Variants in SLC5A4 observed in about 807,000 individuals in gnomAD.
SLC5A4 encodes the protein probable glucose sensor protein SLC5A4.
SLC5A4 carries 55 observed loss-of-function variants against 70.3 expected under a neutral mutation model. The ratio of observed to expected loss-of-function variants is 0.78; its 90% CI spans 0.63 to 0.98. SLC5A4 has a LOEUF of 0.98. Among genes scored for constraint, SLC5A4 ranks in the 50% least tolerant of loss-of-function variants. SLC5A4 has a pLI of 0.00. For synonymous variants in SLC5A4, 268 were observed against 305.7 expected, an observed-to-expected ratio of 0.88 and a Z score of 1.29; for missense variants, 735 against 839.2, an observed-to-expected ratio of 0.88 and a Z score of 1.53.
chr22:32,293,773 A>G, the SLC5A4 span, among the ~76,000 whole-genome samples: 1 of 152,080 alleles, frequency 6.6e-6, no homozygotes, highest in African/African-American at 2.4e-5. Context: ...ACACTTTGGT[A>G]TATTTTTTAA....
chr22:32,282,796 A>G, the SLC5A4 span, among the ~76,000 whole-genome samples: 3 of 152,060 alleles, frequency 2.0e-5, no homozygotes, highest in Non-Finnish European at 4.4e-5. Flanking sequence ...GTGTTTGTTC[A>G]TGGTTCCTTT....
At chr22:32,334,847 T>C in the SLC5A4 span, among the ~76,000 whole-genome samples, 2 of 152,080 alleles carry the variant, frequency 1.3e-5, no homozygotes, top group Non-Finnish European at 2.9e-5. Context: ...GTGACAACAG[T>C]ATTGGTCAGA....
At chr22:32,297,084 A>G in the SLC5A4 span, among the ~76,000 whole-genome samples, 5 of 151,796 alleles carry the variant, frequency 3.3e-5, no homozygotes, top group South Asian at 4.2e-4. Flanking sequence ...TTTTGCATCA[A>G]TGTTCATCAA....
chr22:32,286,161 T>A, the SLC5A4 span, among the ~76,000 whole-genome samples: 1 of 152,268 alleles, frequency 6.6e-6, no homozygotes, highest in Non-Finnish European at 1.5e-5. Context: ...TAAATAATAA[T>A]TCCCCACTGT....
chr22:32,278,253 G>A, the SLC5A4 span, among the ~76,000 whole-genome samples: 4 of 152,162 alleles, frequency 2.6e-5, no homozygotes, highest in African/African-American at 9.7e-5. Flanking sequence ...TAGCATAATG[G>A]TGAATCCCTA....
chr22:32,241,980 T>C (rs1048068761), intron 5 of SLC5A4, among the ~76,000 whole-genome samples: 4 of 151,966 alleles, frequency 2.6e-5, no homozygotes, highest in African/African-American at 4.8e-5. Context: ...AAATACTCTA[T>C]AGAGCTGGAC....
the SLC5A4 span, chr22:32,270,939 G>A: frequency 7.1e-6 from 4 of 562,272 alleles, no homozygotes; most frequent in East Asian, 4.1e-5. Flanking sequence ...ACCACTGAGA[G>A]CTGCCTGAGC....
At chr22:32,267,871 T>C in the SLC5A4 span, among the ~76,000 whole-genome samples, 5 of 152,188 alleles carry the variant, frequency 3.3e-5, no homozygotes, top group African/African-American at 4.8e-5. Flanking sequence ...ACGCCTGTAA[T>C]CCCAGCACTT....
chr22:32,323,488 C>A, the SLC5A4 span, among the ~76,000 whole-genome samples: 2 of 152,212 alleles, frequency 1.3e-5, no homozygotes, highest in Non-Finnish European at 2.9e-5. Context: ...CCATGCTGCA[C>A]AGGAAGGGAA....
the SLC5A4 span, among the ~76,000 whole-genome samples, chr22:32,316,084 G>A: frequency 3.5e-5 from 5 of 142,244 alleles, no homozygotes; most frequent in African/African-American, 1.1e-4. Context: ...CAGGAGAATC[G>A]CTTGAACCCA....
chr22:32,225,142 T>C (rs1309611190), intron 12 of SLC5A4, among the ~76,000 whole-genome samples: 1 of 152,224 alleles, frequency 6.6e-6, no homozygotes, highest in African/African-American at 2.4e-5. Context: ...TAAGGAATGA[T>C]TGAAAGATTA....
intron 1 of SLC5A4, 90 bp from the exon 2 acceptor site, chr22:32,254,303 A>G: frequency 1.2e-6 from 1 of 843,912 alleles, no homozygotes. Flanking sequence ...GAGAGGGGTG[A>G]CTTCAGCACT....
the SLC5A4 span, chr22:32,277,130 A>G: frequency 6.6e-6 from 1 of 152,248 alleles, no homozygotes; most frequent in South Asian, 2.1e-4. Context: ...AACAAATCAG[A>G]TCTATTTTTA....
At chr22:32,248,675 T>C (rs1926971356) in intron 4 of SLC5A4, 68 bp downstream of exon 4, 3 of 1,079,316 alleles carry the variant, frequency 2.8e-6, no homozygotes, top group African/African-American at 3.1e-5. Context: ...GTCTCAGTGA[T>C]TGATCTTCTG....
chr22:32,314,889 A>C, the SLC5A4 span, among the ~76,000 whole-genome samples: 1 of 152,186 alleles, frequency 6.6e-6, no homozygotes, highest in Non-Finnish European at 1.5e-5. Context: ...CACTATCATG[A>C]AAACAGCATG....
rs1209979263 is a variant in SLC5A4 at position 32,239,558 on chromosome 22, ATATATATATATTTATATATATATT to A, written c.478-492_478-469del. Among the ~76,000 whole-genome samples the A allele has an allele frequency of 2.0e-3, 50 of 24,956 alleles. 2 individuals are homozygous for A. The highest frequency in any genetic ancestry group is 8.5e-3 in the African/African-American group (38 of 4,486). The allele number at this position is 24,956 out of a possible 152,430, so 16.4% of individuals were successfully genotyped here. A position where few individuals can be genotyped will look rare whatever the true frequency, so the allele number is the denominator to read the frequency against. On this transcript the variant is annotated intron_variant, in intron 5 of 14. Coordinates refer to ENST00000266086, the MANE Select transcript of SLC5A4 (RefSeq NM_014227.3). Reference sequence around the variant, plus strand: ...TATATATATATATATATATATATATATATATATATATTTATATATATATTTATATATATATAAATTATATAAAAT... The same window carrying A: ...TATATATATATATATATATATATATATATATATATATAAATTATATAAAAT...
the SLC5A4 span, among the ~76,000 whole-genome samples, chr22:32,346,939 T>G: frequency 6.6e-6 from 1 of 151,258 alleles, no homozygotes; most frequent in Non-Finnish European, 1.5e-5. Flanking sequence ...GGGAGAAAAT[T>G]TTCGCAACCT....
chr22:32,343,571 T>C, the SLC5A4 span, among the ~76,000 whole-genome samples: 3 of 152,216 alleles, frequency 2.0e-5, no homozygotes, highest in African/African-American at 7.2e-5. Flanking sequence ...TAAATCTCTA[T>C]TTCTCTTAGC....
At chr22:32,351,394 ACCGAT>A in the SLC5A4 span, among the ~76,000 whole-genome samples, 135 of 151,864 alleles carry the variant, frequency 8.9e-4, 2 homozygotes, top group South Asian at 0.017. Flanking sequence ...ACAATAACGG[ACCGAT>A]CATTTTTAAA....
Sources: gnomAD v4.1 joint callset for allele counts (sites outside exome capture counted in the v4.1 genomes callset) on GRCh38, gnomAD v4.1.1 for gene constraint, MANE v1.5 for transcripts, NCBI Gene and HGNC (gene_info 2026-07-23, HGNC 2026-07-21) for gene names.